IMPA1: variants seen among roughly 807,000 people sequenced by gnomAD.
IMPA1 encodes the protein D-galactose 1-phosphate phosphatase.
Under a neutral mutation model 34.9 loss-of-function variants are expected in IMPA1, and 21 were observed. The ratio of observed to expected loss-of-function variants is 0.60; its 90% CI spans 0.43 to 0.87. The LOEUF (loss-of-function observed/expected upper bound fraction) is 0.87, where lower values mean the gene tolerates loss of function less well. Ranked by LOEUF, IMPA1 falls within the 40% of genes least tolerant of loss-of-function variation. The pLI, the probability that IMPA1 is intolerant of heterozygous loss-of-function variation, is 0.00. For missense variants in IMPA1, 299 were observed against 336.4 expected, an observed-to-expected ratio of 0.89 and a Z score of 0.87; for synonymous variants, 95 against 104.4, an observed-to-expected ratio of 0.91 and a Z score of 0.55.
At chr8:81,685,207 A>G (rs1807468727) in intron 1 of IMPA1, among the ~76,000 whole-genome samples, 2 of 135,296 alleles carry the variant, frequency 1.5e-5, no homozygotes, top group African/African-American at 5.4e-5. Context: ...ATATTTAGAT[A>G]CTATATATAC....
At chr8:81,664,052 A>G (rs1806751990) in intron 7 of IMPA1, among the ~76,000 whole-genome samples, 1 of 152,154 alleles carries the variant, frequency 6.6e-6, no homozygotes, top group Admixed American at 6.5e-5. Context: ...AAATAAATAC[A>G]TAAAAAATAA....
intron 7 of IMPA1, among the ~76,000 whole-genome samples, chr8:81,669,047 A>G (rs1398709764): frequency 2.0e-5 from 3 of 152,212 alleles, no homozygotes; most frequent in African/African-American, 7.2e-5. Flanking sequence ...AGAGCTGTAG[A>G]GGCTTTCCAG....
intron 4 of IMPA1, among the ~76,000 whole-genome samples, chr8:81,678,171 AT>A (rs879932837): frequency 1.3e-3 from 192 of 144,332 alleles, no homozygotes; most frequent in East Asian, 1.4e-3. Flanking sequence ...CACCCATGCA[AT>A]TTTTTTTTTT....
Position 81,659,039 on chromosome 8 carries a change from A to C in IMPA1, c.*312T>G, listed in dbSNP as rs1209361616. 3 of 326,362 alleles carry C rather than the reference A, an allele frequency of 9.2e-6. No homozygotes were observed. In the East Asian group the frequency reaches 2.6e-4, roughly 29 times the overall value. 20.2% of individuals were successfully genotyped at this position (326,362 alleles called of 1,614,324 possible). A position where few individuals can be genotyped will look rare whatever the true frequency, so the allele number is the denominator to read the frequency against. On this transcript the variant is annotated 3_prime_UTR_variant, in exon 9 of 9. Coordinates refer to ENST00000256108, the MANE Select transcript of IMPA1 (RefSeq NM_005536.4). ...CACCTATATACTAAGTCAAAATTTCAGGGGACCATAGATATTTAGAAACAC... is the reference window on the plus strand; with the variant it reads ...CACCTATATACTAAGTCAAAATTTCCGGGGACCATAGATATTTAGAAACAC...
At chr8:81,671,822 G>C (rs953893851) in intron 6 of IMPA1, among the ~76,000 whole-genome samples, 1 of 152,102 alleles carries the variant, frequency 6.6e-6, no homozygotes, top group Non-Finnish European at 1.5e-5. Flanking sequence ...GCTTAAACCC[G>C]GGAGGCGGAG....
At position 81,660,542 on chromosome 8, in the gene IMPA1, G is replaced by A. The variant is rs1284847765; in HGVS notation, c.692C>T (p.Ala231Val). Residue 231 changes from alanine (A) to valine (V), a missense_variant, in exon 8 of 9, where the codon GCT becomes GTT. Coordinates refer to ENST00000256108, the MANE Select transcript of IMPA1 (RefSeq NM_005536.4). ...VAGAGIIVTE[A>V]GGVLMDVTGG... is the part of the protein sequence containing the mutation. ...TGTAACATCCATTAGCACGCCACCAGCTTCAGTAACAATAATGCCAGCTCC... is the reference window on the plus strand; with the variant it reads ...TGTAACATCCATTAGCACGCCACCAACTTCAGTAACAATAATGCCAGCTCC... 1.2e-6 allele frequency: 2 copies of A among 1,613,582 alleles called. No individual in the cohort carries two copies. The highest frequency in any genetic ancestry group is 1.7e-6 in the Non-Finnish European group (2 of 1,179,710).
At chr8:81,683,749 T>A (rs1285056298) in intron 1 of IMPA1, among the ~76,000 whole-genome samples, 4 of 151,110 alleles carry the variant, frequency 2.6e-5, no homozygotes, top group Non-Finnish European at 5.9e-5. Context: ...ACATGTAAGT[T>A]ACTTGAGTAG....
Position 81,657,093 on chromosome 8 carries a change from A to T in IMPA1, c.*2258T>A, listed in dbSNP as rs768608304. Among the ~76,000 whole-genome samples, 14 of 152,222 alleles carry T rather than the reference A, an allele frequency of 9.2e-5. No individual in the cohort carries two copies. Among genetic ancestry groups the T allele is most frequent in the Non-Finnish European group, 1.5e-4 (10 of 68,040 alleles). On this transcript the variant is annotated 3_prime_UTR_variant, in exon 9 of 9. Transcript: ENST00000256108. ...ATTTTCAAATATTATTAGATAATTCACTTGTCGATCATCCTTTTTCAGCAT... is the reference window on the plus strand; with the variant it reads ...ATTTTCAAATATTATTAGATAATTCTCTTGTCGATCATCCTTTTTCAGCAT...
chr8:81,666,497 A>G (rs1228284888), intron 7 of IMPA1, among the ~76,000 whole-genome samples: 2 of 152,260 alleles, frequency 1.3e-5, no homozygotes, highest in African/African-American at 4.8e-5. Flanking sequence ...AATGCTGTAT[A>G]TGACAGGCAC....
intron 7 of IMPA1, among the ~76,000 whole-genome samples, chr8:81,666,718 A>G (rs940688275): frequency 5.3e-5 from 8 of 152,070 alleles, no homozygotes; most frequent in Admixed American, 1.3e-4. Flanking sequence ...TACTAAAAAT[A>G]CAAAAGCCGG....
intron 4 of IMPA1, chr8:81,678,724 C>T: frequency 5.7e-6 from 1 of 174,000 alleles, no homozygotes; most frequent in Non-Finnish European, 1.3e-5. Flanking sequence ...TACATAGTTA[C>T]TACTAATAGA....
At chr8:81,662,446 G>A (rs1397211001) in intron 7 of IMPA1, among the ~76,000 whole-genome samples, 1 of 152,152 alleles carries the variant, frequency 6.6e-6, no homozygotes, top group Non-Finnish European at 1.5e-5. Flanking sequence ...ATCAGCAAGA[G>A]AATATTCTTT....
chr8:81,682,352 T>C (rs945960352), intron 1 of IMPA1, among the ~76,000 whole-genome samples: 1 of 152,176 alleles, frequency 6.6e-6, no homozygotes, highest in East Asian at 1.9e-4. Flanking sequence ...CTAAAAACTG[T>C]GGCACCATTT....
At chr8:81,661,483 C>A (rs1027485105) in intron 7 of IMPA1, among the ~76,000 whole-genome samples, 6 of 152,172 alleles carry the variant, frequency 3.9e-5, no homozygotes, top group Non-Finnish European at 7.4e-5. Flanking sequence ...GGCATTCCTG[C>A]CAAAAATCCA....
chr8:81,667,191 A>T (rs553007251), intron 7 of IMPA1, among the ~76,000 whole-genome samples: 1 of 152,260 alleles, frequency 6.6e-6, no homozygotes, highest in South Asian at 2.1e-4. Context: ...GGAAATAGGG[A>T]ATTATACTAT....
chr8:81,660,577 C>T lies in IMPA1; in HGVS notation c.657G>A (p.Trp219Ter). The T allele has an allele frequency of 6.2e-7, 1 of 1,613,874 alleles. No homozygotes were observed. The highest frequency in any genetic ancestry group is 8.5e-7 in the Non-Finnish European group (1 of 1,179,798). The change falls in exon 8 of 9, where the codon TGG (tryptophan) becomes TGA (stop). Residue 219 changes from tryptophan to a stop codon, truncating the protein, a stop_gained. Coordinates refer to ENST00000256108, the MANE Select transcript of IMPA1 (RefSeq NM_005536.4). LOFTEE classifies it high-confidence loss of function. Reference protein sequence around the residue: ...DAYYEMGIHCWDVAGAGIIVT... With the variant: ...DAYYEMGIHC ...CAATAATGCCAGCTCCTGCAACATCCCAGCAGTGAATTCCCATTTCATAAT... is the reference window on the plus strand; with the variant it reads ...CAATAATGCCAGCTCCTGCAACATCTCAGCAGTGAATTCCCATTTCATAAT...
At chr8:81,665,335 G>C (rs745427651) in intron 7 of IMPA1, among the ~76,000 whole-genome samples, 2 of 152,026 alleles carry the variant, frequency 1.3e-5, no homozygotes, top group African/African-American at 2.4e-5. Flanking sequence ...CTGAACTCAG[G>C]AAAGAAATGG....
chr8:81,672,300 GAA>G (rs1807009491), intron 6 of IMPA1, among the ~76,000 whole-genome samples: 1 of 152,140 alleles, frequency 6.6e-6, no homozygotes, highest in Admixed American at 6.5e-5. Context: ...GAAAGAAAAA[GAA>G]AAGTTTTAAT....
chr8:81,685,811 T>C (rs1009396781), intron 1 of IMPA1: 2 of 1,547,376 alleles, frequency 1.3e-6, no homozygotes, highest in Admixed American at 4.0e-5. Context: ...CTGCTGTTTC[T>C]GTCCTGGTCA....
Sources: gnomAD v4.1 joint callset for allele counts (sites outside exome capture counted in the v4.1 genomes callset) on GRCh38, gnomAD v4.1.1 for gene constraint, MANE v1.5 for transcripts, NCBI Gene and HGNC (gene_info 2026-07-23, HGNC 2026-07-21) for gene names.